Variants in VAV2 observed in about 807,000 individuals in gnomAD.
The protein encoded by VAV2 is vav guanine nucleotide exchange factor 2, also known as guanine nucleotide exchange factor VAV2.
A neutral mutation model predicts 132.5 loss-of-function variants in VAV2; 67 were observed. The observed-to-expected ratio is 0.51, with a 90% confidence interval of 0.42 to 0.62. The LOEUF is 0.62. VAV2 is among the 20% of genes least tolerant of loss of function. VAV2 has a pLI of 0.00. For missense variants in VAV2, 938 were observed against 1,153.6 expected (o/e 0.81, Z 2.71); for synonymous variants, 492 against 443.5 (o/e 1.11, Z -1.37).
intron 4 of VAV2, among the ~76,000 whole-genome samples, chr9:133,813,335 GC>G (rs1249770896): frequency 1.3e-5 from 2 of 152,250 alleles, no homozygotes; most frequent in African/African-American, 2.4e-5. Context: ...AGGGACAGAA[GC>G]CGGGGCAGGA....
chr9:133,879,498 T>C lies in VAV2; in HGVS notation c.322-18066A>G, dbSNP rs1452188111. Among the ~76,000 whole-genome samples, 1 of 152,108 alleles carries C rather than the reference T, an allele frequency of 6.6e-6. No homozygotes were observed. Among genetic ancestry groups the C allele is most frequent in the Non-Finnish European group, 1.5e-5 (1 of 68,006 alleles). ...GTGTGTCAGAGGCTCACCATAAATG[T>C]GGGCAAGCCTCCTATAAGAAGGCAT... On this transcript the variant is annotated intron_variant, in intron 2 of 29. Transcript: ENST00000371850. This position sits in a 1 kb window ranked among gnomAD's most constrained non-coding sequence, Gnocchi z 4.4.
At chr9:133,945,734 T>C (rs1356159911) in intron 1 of VAV2, among the ~76,000 whole-genome samples, 1 of 152,142 alleles carries the variant, frequency 6.6e-6, no homozygotes, top group African/African-American at 2.4e-5. Flanking sequence ...TCCATGTAGA[T>C]CGTCACCAAC....
rs183859510 is a variant in VAV2 at position 133,814,319 on chromosome 9, G to A, written c.450-2103C>T. ...GGACACAGCCCCCACCTCTCTGCCCGCCAGGCTACCAGGGATGCAGGCAAG... is the reference window on the plus strand; with the variant it reads ...GGACACAGCCCCCACCTCTCTGCCCACCAGGCTACCAGGGATGCAGGCAAG... On this transcript the variant is annotated intron_variant, in intron 4 of 29. Transcript: ENST00000371850. Among the ~76,000 whole-genome samples, 6 of 152,340 alleles carry A rather than the reference G, an allele frequency of 3.9e-5. No homozygotes were observed. The East Asian group carries it at 5.8e-4, about 15-fold the overall frequency.
At position 133,774,338 on chromosome 9, in the gene VAV2, G is replaced by C. The variant is rs76203826; in HGVS notation, c.2135+597C>G. Among the ~76,000 whole-genome samples, 291 of 152,316 alleles carry C rather than the reference G, an allele frequency of 1.9e-3. 4 individuals carry two copies. Among genetic ancestry groups the C allele is most frequent in the East Asian group, 0.017 (89 of 5,184 alleles). On this transcript the variant is annotated intron_variant, in intron 25 of 29. Transcript: ENST00000371850. ...CTCCTGCAGGCCAGGCACACAGAAG[G>C]CTTTCTGAGAATTTCTTTCAGGTGG...
At chr9:133,791,486 A>C (rs1043536500) in intron 13 of VAV2, among the ~76,000 whole-genome samples, 1 of 151,732 alleles carries the variant, frequency 6.6e-6, no homozygotes, top group East Asian at 1.9e-4. Flanking sequence ...GGCTTGGGGG[A>C]GAAGGGGGGC....
intron 1 of VAV2, among the ~76,000 whole-genome samples, chr9:133,984,958 C>A (rs1196590834): frequency 2.0e-5 from 3 of 151,474 alleles, no homozygotes; most frequent in Admixed American, 1.3e-4. Context: ...ATAATCAGTG[C>A]TACCTATTTC....
intron 2 of VAV2, among the ~76,000 whole-genome samples, chr9:133,866,306 G>C (rs139278482): frequency 1.3e-5 from 2 of 152,204 alleles, no homozygotes; most frequent in Non-Finnish European, 2.9e-5. Context: ...GGGATTCTAC[G>C]TGTTGGGGGG....
At position 133,858,309 on chromosome 9, in the gene VAV2, C is replaced by A. The variant is rs114923810; in HGVS notation, c.380+3065G>T. ...AGGTCAGCCTCACAGGCATGCCCAACCCCACCGGCCACCAGTGAGGACCCG... is the reference window on the plus strand; with the variant it reads ...AGGTCAGCCTCACAGGCATGCCCAAACCCACCGGCCACCAGTGAGGACCCG... On this transcript the variant is annotated intron_variant, in intron 3 of 29. Transcript: ENST00000371850. Among the ~76,000 whole-genome samples the A allele has an allele frequency of 7.3e-3, 1,113 of 152,310 alleles. 14 individuals are homozygous for A. Among genetic ancestry groups the A allele is most frequent in the African/African-American group, 0.025 (1,037 of 41,564 alleles).
intron 2 of VAV2, among the ~76,000 whole-genome samples, chr9:133,889,135 G>T (rs1468191021): frequency 1.3e-5 from 2 of 152,178 alleles, no homozygotes; most frequent in Admixed American, 1.3e-4. Flanking sequence ...CGCCCTCGGG[G>T]TGGGAAACCG....
chr9:133,852,949 G>A (rs978419244), intron 3 of VAV2, among the ~76,000 whole-genome samples: 2 of 152,142 alleles, frequency 1.3e-5, no homozygotes, highest in Non-Finnish European at 2.9e-5. Flanking sequence ...TGCACTTCCC[G>A]TGTGCCAGGC....
rs1346576289 is a variant in VAV2 at position 133,883,220 on chromosome 9, T to C, written c.322-21788A>G. ...CCTGGAGCAGATGGGCCCTTCATCA[T>C]TTGCTCATTTCACGTTCCCCTAATC... On this transcript the variant is annotated intron_variant, in intron 2 of 29. Coordinates refer to ENST00000371850, the MANE Select transcript of VAV2 (RefSeq NM_001134398.2). This position sits in a 1 kb window ranked among gnomAD's most constrained non-coding sequence, Gnocchi z 4.2. Among the ~76,000 whole-genome samples the C allele has an allele frequency of 6.6e-6, 1 of 152,248 alleles. No homozygotes were observed. Among genetic ancestry groups the C allele is most frequent in the African/African-American group, 2.4e-5 (1 of 41,466 alleles).
rs780674992 is a variant in VAV2 at position 133,883,403 on chromosome 9, G to C, written c.322-21971C>G. ...GGTGTGAGCCACAGTGGGCAGTCAG[G>C]GCCAGGGAGAGGAACAGAGCCGAGT... On this transcript the variant is annotated intron_variant, in intron 2 of 29. Coordinates refer to ENST00000371850, the MANE Select transcript of VAV2 (RefSeq NM_001134398.2). This position sits in a 1 kb window ranked among gnomAD's most constrained non-coding sequence, Gnocchi z 4.2. Among the ~76,000 whole-genome samples, 7 of 152,192 alleles carry C rather than the reference G, an allele frequency of 4.6e-5. No homozygotes were observed. Among genetic ancestry groups the C allele is most frequent in the Non-Finnish European group, 1.0e-4 (7 of 68,048 alleles).
chr9:133,973,782 C>T (rs1180530742), intron 1 of VAV2, among the ~76,000 whole-genome samples: 1 of 152,222 alleles, frequency 6.6e-6, no homozygotes, highest in Non-Finnish European at 1.5e-5. Flanking sequence ...ACACCCCCAT[C>T]ATGAGAAAGG....
At chr9:133,822,477 G>A (rs578185030) in intron 4 of VAV2, among the ~76,000 whole-genome samples, 70 of 152,328 alleles carry the variant, frequency 4.6e-4, no homozygotes, top group African/African-American at 1.6e-3. Context: ...AAGGACGGAC[G>A]GAGAGATAGA....
chr9:133,795,527 G>A, intron 12 of VAV2, 141 bp downstream of exon 12: 1 of 1,048,326 alleles, frequency 9.5e-7, no homozygotes, highest in Non-Finnish European at 1.4e-6. Context: ...CCACTGCCCT[G>A]CCCTGCCCTG....
intron 2 of VAV2, among the ~76,000 whole-genome samples, chr9:133,889,611 A>T (rs932073324): frequency 6.6e-6 from 1 of 152,146 alleles, no homozygotes; most frequent in Non-Finnish European, 1.5e-5. Flanking sequence ...CCAGTCCCAC[A>T]CTGCAACTGC....
At chr9:133,909,667 G>A (rs1839806798) in intron 2 of VAV2, among the ~76,000 whole-genome samples, 1 of 152,268 alleles carries the variant, frequency 6.6e-6, no homozygotes, top group Admixed American at 6.5e-5. Context: ...GGTCCGACTG[G>A]GCAAAGAGGG....
intron 2 of VAV2, among the ~76,000 whole-genome samples, chr9:133,878,065 G>A (rs962199621): frequency 6.6e-6 from 1 of 152,170 alleles, no homozygotes; most frequent in African/African-American, 2.4e-5. Context: ...GGTGAAGGAG[G>A]GTGTGGGGCC....
intron 2 of VAV2, among the ~76,000 whole-genome samples, chr9:133,901,319 G>A (rs569553131): frequency 2.0e-5 from 3 of 152,194 alleles, no homozygotes; most frequent in African/African-American, 2.4e-5. Context: ...GTCTCCTCCC[G>A]AGCCTCAGAA....
Sources: allele counts gnomAD v4.1 joint callset (sites outside exome capture counted in the v4.1 genomes callset), GRCh38; gene constraint gnomAD v4.1.1; non-coding constraint Gnocchi (gnomAD v3.1); transcripts MANE v1.5; gene names NCBI Gene and HGNC (gene_info 2026-07-23, HGNC 2026-07-21).